The following TOX2 variants were observed in gnomAD, a reference collection of about 807,000 sequenced individuals.
TOX2 encodes the protein granulosa cell HMG box 1.
In TOX2, 15 loss-of-function variants were observed where a neutral mutation model predicts 47.4. The observed-to-expected ratio is 0.32, with a 90% CI of 0.21 to 0.49. The LOEUF is 0.49. Ranked by LOEUF, TOX2 falls within the 20% of genes least tolerant of loss-of-function variation. TOX2 has a pLI of 0.99. For synonymous variants in TOX2, 290 were observed against 296.6 expected (o/e 0.98, Z 0.23); for missense variants, 622 against 673.1 (o/e 0.92, Z 0.84).
At chr20:43,996,762 C>T (rs1029245130) in intron 2 of TOX2, among the ~76,000 whole-genome samples, 1 of 151,408 alleles carries the variant, frequency 6.6e-6, no homozygotes, top group African/African-American at 2.4e-5. Context: ...GACAAGGAAA[C>T]TGAGTAGTAG....
At chr20:43,976,224 T>C (rs764448152) in intron 2 of TOX2, among the ~76,000 whole-genome samples, 4 of 152,242 alleles carry the variant, frequency 2.6e-5, no homozygotes, top group Admixed American at 6.5e-5. Context: ...GGGTCAGCAG[T>C]TTAACTGAGT....
chr20:44,054,163 C>G (rs1162663734), intron 4 of TOX2, 136 bp from the exon 5 acceptor site: 1 of 832,950 alleles, frequency 1.2e-6, no homozygotes, highest in Admixed American at 2.1e-5. Context: ...CTGTCCATTG[C>G]CCCCTCCATC....
chr20:43,972,867 T>G (rs1197751844), intron 1 of TOX2, among the ~76,000 whole-genome samples: 1 of 152,220 alleles, frequency 6.6e-6, no homozygotes, highest in Non-Finnish European at 1.5e-5. Flanking sequence ...GGGGCTGGGA[T>G]GGCATAGGTG....
At chr20:43,930,180 G>T (rs182837245) in intron 1 of TOX2, among the ~76,000 whole-genome samples, 315 of 152,310 alleles carry the variant, frequency 2.1e-3, no homozygotes, top group African/African-American at 7.5e-3. Flanking sequence ...TTGAAAGATT[G>T]AATGAATGAA....
chr20:43,920,829 T>C (rs1343293127), intron 1 of TOX2, among the ~76,000 whole-genome samples: 1 of 152,122 alleles, frequency 6.6e-6, no homozygotes, highest in Non-Finnish European at 1.5e-5. Context: ...TTTCTAACTG[T>C]GGAGGGTGCA....
intron 1 of TOX2, among the ~76,000 whole-genome samples, chr20:43,918,351 T>C (rs1385994894): frequency 2.0e-5 from 3 of 152,210 alleles, no homozygotes; most frequent in African/African-American, 7.2e-5. Context: ...ACATGAAGAT[T>C]TTAAGTGTAC....
At chr20:43,961,072 G>T (rs1182226828) in intron 1 of TOX2, among the ~76,000 whole-genome samples, 1 of 152,268 alleles carries the variant, frequency 6.6e-6, no homozygotes, top group African/African-American at 2.4e-5. Context: ...ACATGTGGCT[G>T]TTGTGATATT....
chr20:44,036,176 G>T (rs1011357633), intron 3 of TOX2, among the ~76,000 whole-genome samples: 2 of 152,206 alleles, frequency 1.3e-5, no homozygotes, highest in African/African-American at 4.8e-5. Context: ...GGGGGCCGTC[G>T]GGCCGTGCAG....
chr20:43,978,206 G>A (rs1003892689), intron 2 of TOX2, among the ~76,000 whole-genome samples: 1 of 152,134 alleles, frequency 6.6e-6, no homozygotes, highest in Non-Finnish European at 1.5e-5. Flanking sequence ...GAACCCAGGA[G>A]AGGATAGAAG....
chr20:44,063,214 G>A (rs1042382910), intron 5 of TOX2, among the ~76,000 whole-genome samples: 3 of 152,166 alleles, frequency 2.0e-5, no homozygotes, highest in African/African-American at 7.2e-5. Flanking sequence ...CAGAGTGGGA[G>A]AAAATCTTCA....
intron 2 of TOX2, among the ~76,000 whole-genome samples, chr20:44,004,960 A>T (rs2070653028): frequency 6.6e-6 from 1 of 152,212 alleles, no homozygotes; most frequent in Non-Finnish European, 1.5e-5. Flanking sequence ...GAAGATATTG[A>T]ATGTTCCCAA....
intron 2 of TOX2, among the ~76,000 whole-genome samples, chr20:43,995,532 T>G (rs138233176): frequency 6.6e-6 from 1 of 152,272 alleles, no homozygotes; most frequent in African/African-American, 2.4e-5. Context: ...AACTTTTATT[T>G]TAGGTTCAGG....
intron 5 of TOX2, among the ~76,000 whole-genome samples, chr20:44,055,160 A>G (rs2071595397): frequency 6.6e-6 from 1 of 152,226 alleles, no homozygotes; most frequent in Non-Finnish European, 1.5e-5. Context: ...TGACTCACCC[A>G]GGGTCACCAG....
intron 7 of TOX2, among the ~76,000 whole-genome samples, 175 bp from the exon 8 acceptor site, chr20:44,066,555 G>A (rs1600807992): frequency 6.6e-6 from 1 of 152,338 alleles, no homozygotes; most frequent in Non-Finnish European, 1.5e-5. Context: ...ATTCAGCCAA[G>A]ACAAGGGTTG....
intron 2 of TOX2, among the ~76,000 whole-genome samples, chr20:43,991,081 T>G (rs1342728265): frequency 6.6e-6 from 1 of 152,170 alleles, no homozygotes; most frequent in Non-Finnish European, 1.5e-5. Flanking sequence ...TTAAAATCCC[T>G]TGATCCAATT....
intron 2 of TOX2, among the ~76,000 whole-genome samples, chr20:43,999,000 TCTAC>T (rs1218477598): frequency 4.0e-4 from 61 of 152,338 alleles, no homozygotes; most frequent in African/African-American, 1.3e-3. Flanking sequence ...CCTGAGGTGA[TCTAC>T]CCACCTTGGC....
At chr20:44,001,439 G>A (rs1412730947) in intron 2 of TOX2, among the ~76,000 whole-genome samples, 1 of 152,226 alleles carries the variant, frequency 6.6e-6, no homozygotes, top group African/African-American at 2.4e-5. Context: ...CATGCATGTA[G>A]GATTTGATTG....
Position 43,957,950 on chromosome 20 carries a change from G to A in TOX2, c.100-15417G>A, listed in dbSNP as rs377405602. Among the ~76,000 whole-genome samples the A allele has an allele frequency of 4.4e-4, 67 of 152,180 alleles. 2 individuals are homozygous for A. The South Asian group carries it at 0.01, about 23-fold the overall frequency. ...CACGAGAACAGCAAGGGGGATATCC[G>A]CCCCCAAGATCCAATTACCTCACCA... is the stretch of plus-strand genomic sequence containing the variant. On this transcript the variant is annotated intron_variant, in intron 1 of 8. Transcript: ENST00000341197.
At chr20:44,038,626 T>G (rs2071277890) in intron 3 of TOX2, among the ~76,000 whole-genome samples, 1 of 151,798 alleles carries the variant, frequency 6.6e-6, no homozygotes, top group Admixed American at 6.6e-5. Context: ...ATAAAAAAAT[T>G]TAATTGTGGA....
Sources: gnomAD v4.1 joint callset for allele counts (sites outside exome capture counted in the v4.1 genomes callset) on GRCh38, gnomAD v4.1.1 for gene constraint, MANE v1.5 for transcripts, NCBI Gene and HGNC (gene_info 2026-07-23, HGNC 2026-07-21) for gene names.